The following CNTN5 variants were observed in gnomAD, a reference collection of about 807,000 sequenced individuals.
The protein encoded by CNTN5 is contactin-5.
A neutral mutation model predicts 129.1 loss-of-function variants in CNTN5; 77 were observed. The observed-to-expected ratio is 0.60, with a 90% confidence interval of 0.50 to 0.72. CNTN5 has a LOEUF of 0.72. Among genes scored for constraint, CNTN5 ranks in the 30% least tolerant of loss-of-function variants. The pLI, the probability that CNTN5 is intolerant of heterozygous loss-of-function variation, is 0.00. For missense variants in CNTN5, 1,478 were observed against 1,328.8 expected, an observed-to-expected ratio of 1.11 and a Z score of -1.75; for synonymous variants, 509 against 465.6, an observed-to-expected ratio of 1.09 and a Z score of -1.20.
chr11:99,582,813 C>T (rs1435875551), intron 3 of CNTN5, among the ~76,000 whole-genome samples: 1 of 152,180 alleles, frequency 6.6e-6, no homozygotes, highest in Non-Finnish European at 1.5e-5. Flanking sequence ...TGAAGCCTTC[C>T]TCTCTCAACT....
chr11:99,521,731 G>A (rs1305567740), intron 2 of CNTN5, among the ~76,000 whole-genome samples: 1 of 152,184 alleles, frequency 6.6e-6, no homozygotes, highest in South Asian at 2.1e-4. Context: ...AGTGGCTACA[G>A]TCTTTTCTAA....
intron 23 of CNTN5, 31 bp from the exon 24 acceptor site, chr11:100,350,671 T>C: frequency 6.5e-7 from 1 of 1,536,962 alleles, no homozygotes; most frequent in Non-Finnish European, 8.9e-7. Flanking sequence ...ATCTTTCATA[T>C]CAAATGTCTA....
intron 1 of CNTN5, among the ~76,000 whole-genome samples, chr11:99,314,400 G>T (rs1865246245): frequency 1.3e-5 from 2 of 152,138 alleles, no homozygotes; most frequent in South Asian, 4.1e-4. Context: ...TTTATTCTAT[G>T]GGTGTGCTTA....
intron 3 of CNTN5, among the ~76,000 whole-genome samples, chr11:99,793,931 A>G (rs920592608): frequency 2.6e-5 from 4 of 152,190 alleles, no homozygotes; most frequent in African/African-American, 9.6e-5. Flanking sequence ...TATTAGTTCC[A>G]TTAACTCAAG....
intron 13 of CNTN5, among the ~76,000 whole-genome samples, chr11:100,148,881 C>T (rs1028567109): frequency 2.0e-5 from 3 of 151,246 alleles, no homozygotes; most frequent in Non-Finnish European, 4.4e-5. Context: ...AATATTTTGG[C>T]AGCATGAGCT....
At chr11:99,551,400 A>G (rs1039693225) in intron 2 of CNTN5, among the ~76,000 whole-genome samples, 1 of 152,152 alleles carries the variant, frequency 6.6e-6, no homozygotes, top group Non-Finnish European at 1.5e-5. Flanking sequence ...TTGCTTTGGA[A>G]TCTTAAGACG....
chr11:99,426,545 A>G (rs1943129368), intron 2 of CNTN5, among the ~76,000 whole-genome samples: 1 of 152,178 alleles, frequency 6.6e-6, no homozygotes, highest in Non-Finnish European at 1.5e-5. Flanking sequence ...CAATTTTTTT[A>G]ATTAAAGAGT....
intron 17 of CNTN5, among the ~76,000 whole-genome samples, chr11:100,269,551 G>C (rs1433321453): frequency 6.6e-6 from 1 of 152,168 alleles, no homozygotes; most frequent in East Asian, 1.9e-4. Context: ...GATATCTTAA[G>C]AGGTCCACCC....
At chr11:100,299,427 T>A in intron 20 of CNTN5, 31 bp downstream of exon 20, 1 of 1,366,528 alleles carries the variant, frequency 7.3e-7, no homozygotes, top group Non-Finnish European at 1.0e-6. Flanking sequence ...TATTTTTATT[T>A]AACATTTTAC....
chr11:100,326,393 C>G (rs1304531237), intron 21 of CNTN5, among the ~76,000 whole-genome samples: 2 of 152,110 alleles, frequency 1.3e-5, no homozygotes, highest in Non-Finnish European at 2.9e-5. Context: ...TCCAATGTTT[C>G]AAGAAATATT....
chr11:100,315,889 C>T (rs12282373), intron 21 of CNTN5, among the ~76,000 whole-genome samples: 1 of 152,118 alleles, frequency 6.6e-6, no homozygotes, highest in African/African-American at 2.4e-5. Flanking sequence ...AAATGTCTAG[C>T]TTATGATATG....
At chr11:99,916,750 C>G (rs1397645481) in intron 7 of CNTN5, among the ~76,000 whole-genome samples, 1 of 152,062 alleles carries the variant, frequency 6.6e-6, no homozygotes, top group Non-Finnish European at 1.5e-5. Flanking sequence ...CAAGCTTACA[C>G]CTAATTATAT....
At position 99,249,179 on chromosome 11, in the gene CNTN5, CA is replaced by C. The variant is rs564342493; in HGVS notation, c.-209-76166del. 2.5e-3 allele frequency among the ~76,000 whole-genome samples: 379 copies of C among 152,216 alleles called. 3 individuals carry two copies. Among genetic ancestry groups the C allele is most frequent in the African/African-American group, 8.7e-3 (362 of 41,552 alleles). On this transcript the variant is annotated intron_variant, in intron 1 of 24. Coordinates refer to ENST00000524871, the MANE Select transcript of CNTN5 (RefSeq NM_014361.4). ...TGTAGTTCTCCTTGAAGAGGTCTTT[CA>C]TGTCCCTTGTAAGTTGGATTCCTAG...
At chr11:100,185,032 G>T (rs1451815913) in intron 13 of CNTN5, among the ~76,000 whole-genome samples, 1 of 152,032 alleles carries the variant, frequency 6.6e-6, no homozygotes, top group Non-Finnish European at 1.5e-5. Flanking sequence ...GCCATGTGAA[G>T]AAGGACATGT....
chr11:99,112,936 A>G lies in CNTN5; in HGVS notation c.-210+91666A>G, dbSNP rs191858525. 1.1e-3 allele frequency among the ~76,000 whole-genome samples: 170 copies of G among 152,066 alleles called. 1 individual carries two copies. Among genetic ancestry groups the G allele is most frequent in the African/African-American group, 3.9e-3 (162 of 41,546 alleles). ...TTTAATTTGAATAGGATTGTACTAA[A>G]CGTTACAGTGAGGTGAGATTTACAA... On this transcript the variant is annotated intron_variant, in intron 1 of 24. Transcript: ENST00000524871.
chr11:99,598,826 T>A (rs11220589), intron 3 of CNTN5, among the ~76,000 whole-genome samples: 25,223 of 151,918 alleles, frequency 0.17, 2,326 homozygotes, highest in Non-Finnish European at 0.19. Flanking sequence ...ATTTATATTT[T>A]AATATGCAGG....
intron 3 of CNTN5, among the ~76,000 whole-genome samples, chr11:99,716,366 T>G (rs1436201846): frequency 6.6e-6 from 1 of 152,064 alleles, no homozygotes; most frequent in Non-Finnish European, 1.5e-5. Flanking sequence ...TGAAGCAACC[T>G]CTCTTGGCTT....
intron 6 of CNTN5, among the ~76,000 whole-genome samples, chr11:99,875,058 G>A (rs907429669): frequency 6.6e-5 from 10 of 152,120 alleles, no homozygotes; most frequent in African/African-American, 2.4e-4. Flanking sequence ...TGTAGCGTTA[G>A]TAAGAATCAA....
chr11:99,647,275 C>T (rs555992843), intron 3 of CNTN5, among the ~76,000 whole-genome samples: 7 of 152,102 alleles, frequency 4.6e-5, no homozygotes, highest in East Asian at 1.9e-4. Context: ...CAATTTTCCC[C>T]GAACTGTTTT....
Sources: allele counts gnomAD v4.1 joint callset (sites outside exome capture counted in the v4.1 genomes callset), GRCh38; gene constraint gnomAD v4.1.1; transcripts MANE v1.5; gene names NCBI Gene and HGNC (gene_info 2026-07-23, HGNC 2026-07-21).